The following MAP2 variants were observed in gnomAD, a reference collection of about 807,000 sequenced individuals.
The protein encoded by MAP2 is microtubule-associated protein 2.
A neutral mutation model predicts 137.6 loss-of-function variants in MAP2; 14 were observed. That is an observed-to-expected ratio of 0.10 (90% CI 0.07 to 0.16). MAP2 has a LOEUF of 0.16. MAP2 is among the 10% of genes least tolerant of loss of function. The probability of loss-of-function intolerance (pLI) is 1.00; values close to 1 mark genes in which losing one functional copy is unlikely to be tolerated. For missense variants in MAP2, 2,088 were observed against 2,191.5 expected (o/e 0.95, Z 0.94); for synonymous variants, 786 against 782.3 (o/e 1.00, Z -0.08).
At chr2:209,486,471 C>T (rs2058396892) in intron 1 of MAP2, among the ~76,000 whole-genome samples, 1 of 152,174 alleles carries the variant, frequency 6.6e-6, no homozygotes, top group African/African-American at 2.4e-5. Flanking sequence ...ATCCACCCGC[C>T]TCAGCCTCCC....
chr2:209,435,294 A>C lies in MAP2; in HGVS notation c.-222+11018A>C, dbSNP rs146672505. On this transcript the variant is annotated intron_variant, in intron 1 of 15. Transcript: ENST00000682079. ...TGGTAAAAAAAAAAGTATGTCTTAT[A>C]AGTGCCAGCAAATTCAGAGGAGGGA... is the stretch of plus-strand genomic sequence containing the variant. Among the ~76,000 whole-genome samples, 364 of 151,904 alleles carry C rather than the reference A, an allele frequency of 2.4e-3. 2 individuals carry two copies. Among genetic ancestry groups the C allele is most frequent in the African/African-American group, 8.5e-3 (353 of 41,506 alleles).
intron 5 of MAP2, among the ~76,000 whole-genome samples, chr2:209,660,181 A>G (rs899576226): frequency 6.6e-6 from 1 of 152,006 alleles, no homozygotes; most frequent in Non-Finnish European, 1.5e-5. Context: ...TTGTCTCCCC[A>G]TCATTTCCAG....
chr2:209,592,387 G>A (rs1579540951), intron 3 of MAP2, among the ~76,000 whole-genome samples: 1 of 152,122 alleles, frequency 6.6e-6, no homozygotes, highest in Non-Finnish European at 1.5e-5. Flanking sequence ...CTATATTCGT[G>A]TCTCCCAGTG....
At chr2:209,607,749 A>C (rs1462106161) in intron 3 of MAP2, among the ~76,000 whole-genome samples, 4 of 152,206 alleles carry the variant, frequency 2.6e-5, no homozygotes. Context: ...TATTAATACC[A>C]TGTGGCTGCC....
At chr2:209,460,566 C>T (rs995987579) in intron 1 of MAP2, among the ~76,000 whole-genome samples, 10 of 151,682 alleles carry the variant, frequency 6.6e-5, no homozygotes, top group African/African-American at 2.4e-4. Context: ...TCCTTCCTTC[C>T]CTTCTCTTTC....
intron 2 of MAP2, among the ~76,000 whole-genome samples, chr2:209,553,260 C>T (rs1010338526): frequency 6.6e-6 from 1 of 152,108 alleles, no homozygotes; most frequent in African/African-American, 2.4e-5. Context: ...GTCCACCAGC[C>T]TCGGCCTCCC....
chr2:209,542,151 C>A (rs2067165852), intron 2 of MAP2, among the ~76,000 whole-genome samples: 1 of 152,236 alleles, frequency 6.6e-6, no homozygotes, highest in Non-Finnish European at 1.5e-5. Context: ...AAGCCAACAT[C>A]AATCTCCTTG....
intron 13 of MAP2, chr2:209,723,668 A>G: frequency 6.2e-7 from 1 of 1,613,968 alleles, no homozygotes; most frequent in Admixed American, 1.7e-5. Context: ...AACATCAAAC[A>G]TTCGGCTGGG....
At chr2:209,628,763 C>T (rs1192443436) in intron 4 of MAP2, among the ~76,000 whole-genome samples, 2 of 152,164 alleles carry the variant, frequency 1.3e-5, no homozygotes, top group African/African-American at 2.4e-5. Flanking sequence ...ATGATCTCCT[C>T]TCATGGAGGG....
intron 1 of MAP2, among the ~76,000 whole-genome samples, chr2:209,468,561 C>G (rs1269937260): frequency 2.0e-5 from 3 of 151,828 alleles, no homozygotes; most frequent in Admixed American, 6.6e-5. Context: ...ACCTCATCAT[C>G]CACCCGCCTC....
At chr2:209,665,723 A>G (rs535608939) in intron 5 of MAP2, among the ~76,000 whole-genome samples, 7 of 152,310 alleles carry the variant, frequency 4.6e-5, no homozygotes, top group Non-Finnish European at 8.8e-5. Context: ...ATAGTAAACA[A>G]CATTATCATA....
chr2:209,557,056 T>C (rs2070858174), intron 2 of MAP2, among the ~76,000 whole-genome samples: 1 of 152,216 alleles, frequency 6.6e-6, no homozygotes, highest in South Asian at 2.1e-4. Flanking sequence ...CAGAAGATAC[T>C]GTCCTTTCTT....
chr2:209,682,277 G>A (rs533769067), intron 7 of MAP2, among the ~76,000 whole-genome samples: 8 of 152,194 alleles, frequency 5.3e-5, no homozygotes, highest in African/African-American at 1.9e-4. Context: ...GATCACTTGA[G>A]GTCAGGAGTT....
chr2:209,656,746 AT>A (rs1365673264), intron 5 of MAP2, among the ~76,000 whole-genome samples: 1 of 152,078 alleles, frequency 6.6e-6, no homozygotes, highest in African/African-American at 2.4e-5. Flanking sequence ...CTAAAGCGTA[AT>A]TTTTATCTTT....
intron 1 of MAP2, among the ~76,000 whole-genome samples, chr2:209,462,058 G>T (rs977360026): frequency 6.6e-6 from 1 of 152,112 alleles, no homozygotes; most frequent in Admixed American, 6.5e-5. Flanking sequence ...TATCAAAACT[G>T]TATTTTAATT....
chr2:209,494,251 G>A (rs539330664), intron 1 of MAP2, among the ~76,000 whole-genome samples: 16 of 151,924 alleles, frequency 1.1e-4, no homozygotes, highest in Non-Finnish European at 2.2e-4. Flanking sequence ...TGGGCACAGG[G>A]CAGGGAACAT....
intron 3 of MAP2, among the ~76,000 whole-genome samples, chr2:209,599,479 T>C (rs1232519720): frequency 6.6e-6 from 1 of 152,198 alleles, no homozygotes; most frequent in African/African-American, 2.4e-5. Flanking sequence ...CTTCTCCTTT[T>C]AATTAGGCAT....
chr2:209,574,054 C>T (rs2074890255), intron 2 of MAP2, among the ~76,000 whole-genome samples: 2 of 151,926 alleles, frequency 1.3e-5, no homozygotes, highest in Non-Finnish European at 1.5e-5. Flanking sequence ...TAATTGTATA[C>T]ATTTATGGGG....
At chr2:209,472,250 T>A (rs1705938125) in intron 1 of MAP2, among the ~76,000 whole-genome samples, 1 of 152,212 alleles carries the variant, frequency 6.6e-6, no homozygotes, top group Non-Finnish European at 1.5e-5. Flanking sequence ...ATGTTATTAC[T>A]GATGGCCTTC....
Sources: allele counts gnomAD v4.1 joint callset (sites outside exome capture counted in the v4.1 genomes callset), GRCh38; gene constraint gnomAD v4.1.1; transcripts MANE v1.5; gene names NCBI Gene and HGNC (gene_info 2026-07-23, HGNC 2026-07-21).